GALNT11: variants seen among roughly 807,000 people sequenced by gnomAD.
The protein encoded by GALNT11 is polypeptide N-acetylgalactosaminyltransferase 11, also known as UDP-GalNAc:polypeptide N-acetylgalactosaminyltransferase 11.
Under a neutral mutation model 72.7 loss-of-function variants are expected in GALNT11, and 47 were observed. That is an observed-to-expected ratio of 0.65 (90% CI 0.51 to 0.82). The LOEUF (loss-of-function observed/expected upper bound fraction) is 0.82. GALNT11 is among the 40% of genes least tolerant of loss of function. The probability of loss-of-function intolerance (pLI) is 0.00; values close to 1 mark genes in which losing one functional copy is unlikely to be tolerated. For synonymous variants in GALNT11, 270 were observed against 286.6 expected (o/e 0.94, Z 0.58); for missense variants, 677 against 778.4 (o/e 0.87, Z 1.55).
At chr7:152,031,642 G>A (rs4726133) in intron 1 of GALNT11, among the ~76,000 whole-genome samples, 145,501 of 152,292 alleles carry the variant, frequency 0.96, 69,550 homozygotes, top group East Asian at 1. Flanking sequence ...TTACCTAGGT[G>A]TGCCACCAGT....
chr7:152,080,367 TTCTG>T (rs2085248231), intron 1 of GALNT11, among the ~76,000 whole-genome samples: 1 of 152,186 alleles, frequency 6.6e-6, no homozygotes, highest in African/African-American at 2.4e-5. Flanking sequence ...GTTAGGGAGT[TTCTG>T]TCTAAGAAAT....
In GALNT11 at chr7:152,116,990, C is replaced by T. The variant is rs538923145; in HGVS notation, c.1234-167C>T. 2,578 of 722,260 alleles carry T rather than the reference C, an allele frequency of 3.6e-3. 64 individuals are homozygous for T. The highest frequency in any genetic ancestry group is 0.03 in the South Asian group (1,989 of 67,110). The allele number at this position is 722,260 out of a possible 1,614,324, so 44.7% of individuals were successfully genotyped here. Reference sequence around the variant, plus strand: ...CTGAGACTCACGAGTTTGAGACCCACTGATCTCATATATACGCCTGTTTCA... The same window carrying T: ...CTGAGACTCACGAGTTTGAGACCCATTGATCTCATATATACGCCTGTTTCA... On this transcript the variant is annotated intron_variant, in intron 8 of 11. Coordinates refer to ENST00000430044, the MANE Select transcript of GALNT11 (RefSeq NM_022087.4).
In GALNT11 at chr7:152,121,784, G is replaced by T; in HGVS notation, c.*107G>T. On this transcript the variant is annotated 3_prime_UTR_variant, in exon 12 of 12. Coordinates refer to ENST00000430044, the MANE Select transcript of GALNT11 (RefSeq NM_022087.4). ...GGTGGAGCAGAACCATCTTGGAGAA[G>T]ATGACAGTTCCCTGTCCTCCCGGAG... The T allele has an allele frequency of 2.8e-6, 4 of 1,408,834 alleles. No individual in the cohort carries two copies. The highest frequency in any genetic ancestry group is 2.9e-6 in the Non-Finnish European group (3 of 1,038,440). 87.3% of individuals were successfully genotyped at this position (1,408,834 alleles called of 1,614,324 possible).
At chr7:152,103,385 T>TA in intron 4 of GALNT11, 107 bp downstream of exon 4, 1 of 1,138,402 alleles carries the variant, frequency 8.8e-7, no homozygotes, top group Non-Finnish European at 1.3e-6. Context: ...GTGGGGATCC[T>TA]ACACGTGCAG....
At chr7:152,070,665 A>G (rs2084586109) in intron 1 of GALNT11, among the ~76,000 whole-genome samples, 2 of 152,204 alleles carry the variant, frequency 1.3e-5, no homozygotes. Flanking sequence ...CTACCCACAT[A>G]ATCCAGAATA....
chr7:152,102,396 C>T (rs1239969792), intron 3 of GALNT11, among the ~76,000 whole-genome samples: 1 of 151,812 alleles, frequency 6.6e-6, no homozygotes, highest in Non-Finnish European at 1.5e-5. Flanking sequence ...ACAAAAATTA[C>T]CTGGGCGTGG....
chr7:152,097,086 C>T (rs2086438474), intron 2 of GALNT11, among the ~76,000 whole-genome samples: 1 of 152,150 alleles, frequency 6.6e-6, no homozygotes, highest in South Asian at 2.1e-4. Context: ...CCTTTGCCTC[C>T]CAAGGTGCTG....
intron 1 of GALNT11, among the ~76,000 whole-genome samples, chr7:152,077,646 C>T (rs1343312595): frequency 6.6e-6 from 1 of 152,026 alleles, no homozygotes; most frequent in Admixed American, 6.5e-5. Flanking sequence ...TTGCTGGTGA[C>T]CCCAGTCACC....
intron 1 of GALNT11, among the ~76,000 whole-genome samples, chr7:152,062,037 T>C (rs2084046504): frequency 6.6e-6 from 1 of 152,230 alleles, no homozygotes; most frequent in African/African-American, 2.4e-5. Flanking sequence ...TTGATAGGGA[T>C]GGCATTGAAT....
intron 5 of GALNT11, chr7:152,107,511 T>C (rs1458253879): frequency 6.6e-6 from 1 of 152,190 alleles, no homozygotes. Flanking sequence ...GCAGCCATCA[T>C]CCATAGTTAC....
intron 7 of GALNT11, among the ~76,000 whole-genome samples, chr7:152,112,761 A>G (rs1053302077): frequency 1.3e-5 from 2 of 152,104 alleles, no homozygotes; most frequent in Admixed American, 6.6e-5. Flanking sequence ...GGTCTTTTGA[A>G]TCTTAATCTG....
intron 8 of GALNT11, among the ~76,000 whole-genome samples, chr7:152,113,925 T>G (rs555697687): frequency 0.016 from 2,360 of 151,498 alleles, 24 homozygotes; most frequent in Non-Finnish European, 0.025. Flanking sequence ...AAGTGTTTTT[T>G]TTTTTGTTTG....
At chr7:152,037,619 C>A (rs552359449) in intron 1 of GALNT11, among the ~76,000 whole-genome samples, 33 of 151,442 alleles carry the variant, frequency 2.2e-4, no homozygotes, top group African/African-American at 8.0e-4. Context: ...TTTTCTATTT[C>A]TGTGAAGAAT....
chr7:152,052,849 C>T (rs955420579), intron 1 of GALNT11, among the ~76,000 whole-genome samples: 1 of 152,214 alleles, frequency 6.6e-6, no homozygotes, highest in African/African-American at 2.4e-5. Flanking sequence ...TATCAGTGTT[C>T]TCTCAAATGT....
chr7:152,060,906 C>G (rs1405859825), intron 1 of GALNT11, among the ~76,000 whole-genome samples: 1 of 152,168 alleles, frequency 6.6e-6, no homozygotes, highest in Non-Finnish European at 1.5e-5. Context: ...CAAGTCTTTG[C>G]TATTGTGAAT....
At chr7:152,039,862 C>G (rs1488685778) in intron 1 of GALNT11, among the ~76,000 whole-genome samples, 1 of 152,126 alleles carries the variant, frequency 6.6e-6, no homozygotes, top group Admixed American at 6.5e-5. Flanking sequence ...CTGCTTCTGT[C>G]TTTGCAGCTG....
intron 4 of GALNT11, chr7:152,104,183 T>C (rs2087275302): frequency 6.6e-6 from 1 of 152,222 alleles, no homozygotes. Flanking sequence ...GGGAGAAATA[T>C]AAAAAGTAAT....
At chr7:152,038,684 G>C (rs998080871) in intron 1 of GALNT11, among the ~76,000 whole-genome samples, 3 of 152,168 alleles carry the variant, frequency 2.0e-5, no homozygotes, top group Non-Finnish European at 4.4e-5. Flanking sequence ...CTTCTTGCAG[G>C]AGTCAGGATC....
chr7:152,094,242 A>G lies in GALNT11; in HGVS notation c.15A>G (p.Thr5=). MGSV[T]VRYFCYGCLF... ...CTAGGTCTATAATGGGAAGTGTCACAGTTCGGTATTTCTGTTATGGGTGCC... is the reference window on the plus strand; with the variant it reads ...CTAGGTCTATAATGGGAAGTGTCACGGTTCGGTATTTCTGTTATGGGTGCC... Residue 5 remains threonine (T), a synonymous_variant, in exon 2 of 12, where the codon ACA becomes ACG. Coordinates refer to ENST00000430044, the MANE Select transcript of GALNT11 (RefSeq NM_022087.4). This position sits in a 1 kb window ranked among gnomAD's most constrained non-coding sequence, Gnocchi z 4.3. 1 of 1,604,018 alleles carries G rather than the reference A, an allele frequency of 6.2e-7. No homozygotes were observed. Among genetic ancestry groups the G allele is most frequent in the Non-Finnish European group, 8.5e-7 (1 of 1,174,386 alleles).
Sources: gnomAD v4.1 joint callset for allele counts (sites outside exome capture counted in the v4.1 genomes callset) on GRCh38, gnomAD v4.1.1 for gene constraint, Gnocchi (gnomAD v3.1) non-coding constraint, MANE v1.5 for transcripts, NCBI Gene and HGNC (gene_info 2026-07-23, HGNC 2026-07-21) for gene names.